The following C12orf42 variants were observed in gnomAD, a reference collection of about 807,000 sequenced individuals.
C12orf42 encodes the protein uncharacterized protein C12orf42.
C12orf42 carries 25 observed loss-of-function variants against 21.6 expected under a neutral mutation model. The observed-to-expected ratio is 1.16, with a 90% CI of 0.84 to 1.62. C12orf42 has a LOEUF of 1.62. Among genes scored for constraint, C12orf42 ranks in the 40% most tolerant of loss-of-function variants. C12orf42 has a pLI of 0.00. For synonymous variants in C12orf42, 174 were observed against 175.0 expected, an observed-to-expected ratio of 0.99 and a Z score of 0.05; for missense variants, 483 against 459.3, an observed-to-expected ratio of 1.05 and a Z score of -0.47.
intron 3 of C12orf42, among the ~76,000 whole-genome samples, chr12:103,395,591 T>C (rs1593796423): frequency 6.6e-6 from 1 of 152,184 alleles, no homozygotes; most frequent in East Asian, 1.9e-4. Flanking sequence ...CGCCTCGGCC[T>C]CCCAAAGAGC....
the C12orf42 span, chr12:103,558,269 A>G: frequency 6.6e-6 from 1 of 152,206 alleles, no homozygotes; most frequent in African/African-American, 2.4e-5. Context: ...AATTGATATC[A>G]CTTCCTTCAT....
At chr12:103,171,326 G>A in the C12orf42 span, among the ~76,000 whole-genome samples, 1 of 152,064 alleles carries the variant, frequency 6.6e-6, no homozygotes, top group African/African-American at 2.4e-5. Flanking sequence ...ACTTCTATGA[G>A]GGCAGAGGCA....
chr12:103,183,498 T>C, the C12orf42 span, among the ~76,000 whole-genome samples: 1 of 152,354 alleles, frequency 6.6e-6, no homozygotes, highest in African/African-American at 2.4e-5. Flanking sequence ...TATCAATGTA[T>C]CATTTTTTTT....
chr12:103,183,679 CTT>C, the C12orf42 span, among the ~76,000 whole-genome samples: 7,652 of 152,074 alleles, frequency 0.05, 337 homozygotes, highest in East Asian at 0.25. Context: ...GATTTTTCCT[CTT>C]TTCTAATGTA....
chr12:103,291,530 A>C (rs921507475), intron 4 of C12orf42, among the ~76,000 whole-genome samples: 2 of 152,310 alleles, frequency 1.3e-5, no homozygotes. Flanking sequence ...GCAGAGTAGC[A>C]CTCACAGATA....
chr12:103,167,399 C>T, the C12orf42 span, among the ~76,000 whole-genome samples: 1 of 152,172 alleles, frequency 6.6e-6, no homozygotes, highest in East Asian at 1.9e-4. Context: ...TGAAGCTTCT[C>T]CCACTCATCC....
the C12orf42 span, among the ~76,000 whole-genome samples, chr12:103,544,073 A>AT: frequency 1.0e-4 from 15 of 150,604 alleles, no homozygotes; most frequent in South Asian, 1.3e-3. Flanking sequence ...TTGTTTTTAT[A>AT]TTTTTTTTAG....
chr12:103,215,360 GATA>G, the C12orf42 span, among the ~76,000 whole-genome samples: 6 of 151,902 alleles, frequency 3.9e-5, no homozygotes, highest in African/African-American at 1.5e-4. Flanking sequence ...ATAAAAATCT[GATA>G]ATGACACTGG....
At chr12:103,164,328 TACTTAC>T in the C12orf42 span, 1 of 437,844 alleles carries the variant, frequency 2.3e-6, no homozygotes, top group Non-Finnish European at 4.6e-6. Context: ...GCTGTTTGTA[TACTTAC>T]AGACTCTCCT....
the C12orf42 span, among the ~76,000 whole-genome samples, chr12:103,051,471 G>A: frequency 6.6e-6 from 1 of 152,164 alleles, no homozygotes; most frequent in African/African-American, 2.4e-5. Context: ...TCTGTCCCCA[G>A]AAATCTGGAA....
chr12:103,206,336 G>A, the C12orf42 span, among the ~76,000 whole-genome samples: 2 of 152,142 alleles, frequency 1.3e-5, no homozygotes, highest in African/African-American at 4.8e-5. Context: ...TTCCAACTTA[G>A]AGTCTGTTTG....
At chr12:103,395,448 G>T (rs2047443447) in intron 3 of C12orf42, among the ~76,000 whole-genome samples, 1 of 150,734 alleles carries the variant, frequency 6.6e-6, no homozygotes, top group African/African-American at 2.4e-5. Flanking sequence ...CCATTCTCCC[G>T]CCTCAGCCTC....
At chr12:103,057,938 C>T in the C12orf42 span, among the ~76,000 whole-genome samples, 1 of 151,690 alleles carries the variant, frequency 6.6e-6, no homozygotes, top group African/African-American at 2.4e-5. Flanking sequence ...ATTTGTATTT[C>T]TCTAATGATC....
chr12:103,276,731 A>G (rs2035794090), intron 5 of C12orf42, among the ~76,000 whole-genome samples: 1 of 152,192 alleles, frequency 6.6e-6, no homozygotes, highest in Non-Finnish European at 1.5e-5. Flanking sequence ...TATTATCATA[A>G]CGTAATGAAA....
intron 4 of C12orf42, among the ~76,000 whole-genome samples, chr12:103,316,979 T>C (rs887878363): frequency 1.3e-5 from 2 of 152,154 alleles, no homozygotes; most frequent in Non-Finnish European, 2.9e-5. Context: ...TTGGTCCACA[T>C]TGCTCAGTTT....
At chr12:103,300,821 T>G (rs7300758), downstream of C12orf42, among the ~76,000 whole-genome samples, 2 of 152,166 alleles carry the variant, frequency 1.3e-5, no homozygotes, top group East Asian at 3.9e-4. Flanking sequence ...TGCCATTATA[T>G]CCTCAGGAAA....
At chr12:103,337,706 T>C (rs934355706) in intron 4 of C12orf42, among the ~76,000 whole-genome samples, 1 of 152,136 alleles carries the variant, frequency 6.6e-6, no homozygotes, top group Non-Finnish European at 1.5e-5. Flanking sequence ...TATCCTTTAA[T>C]AAGCCACACA....
intron 2 of C12orf42, among the ~76,000 whole-genome samples, chr12:103,425,043 C>T (rs1949691957): frequency 6.6e-6 from 1 of 152,238 alleles, no homozygotes; most frequent in South Asian, 2.1e-4. Flanking sequence ...GGTGGATTTC[C>T]CCTCACAGTG....
At chr12:103,157,985 C>T in the C12orf42 span, among the ~76,000 whole-genome samples, 2 of 152,136 alleles carry the variant, frequency 1.3e-5, no homozygotes, top group African/African-American at 2.4e-5. Flanking sequence ...TACTCTCTCA[C>T]AAAGAAATAT....
Sources: gnomAD v4.1 joint callset for allele counts (sites outside exome capture counted in the v4.1 genomes callset) on GRCh38, gnomAD v4.1.1 for gene constraint, MANE v1.5 for transcripts, NCBI Gene and HGNC (gene_info 2026-07-23, HGNC 2026-07-21) for gene names.